The following TRUB2 variants were observed in gnomAD, a reference collection of about 807,000 sequenced individuals.
TRUB2 encodes the protein TruB pseudouridine synthase family member 2.
Under a neutral mutation model 31.9 loss-of-function variants are expected in TRUB2, and 31 were observed. That is an observed-to-expected ratio of 0.97 (90% CI 0.73 to 1.31). TRUB2 has a LOEUF of 1.31. Ranked by LOEUF, TRUB2 falls within the 50% of genes most tolerant of loss-of-function variation. TRUB2 has a pLI of 0.00. For missense variants in TRUB2, 451 were observed against 439.6 expected (o/e 1.03, Z -0.23); for synonymous variants, 201 against 182.6 (o/e 1.10, Z -0.81).
At position 128,307,769 on chromosome 9, in the gene TRUB2, T is replaced by G. The variant is rs1185365238; in HGVS notation, c.*1781A>C. 1.3e-5 allele frequency: 2 copies of G among 148,550 alleles called. No homozygotes were observed. Among genetic ancestry groups the G allele is most frequent in the Non-Finnish European group, 3.0e-5 (2 of 66,826 alleles). The allele number at this position is 148,550 out of a possible 1,614,324, so 9.2% of individuals were successfully genotyped here. On this transcript the variant is annotated 3_prime_UTR_variant, in exon 8 of 8. Transcript: ENST00000372890. ...AAATAAATAAATTAGCCAGATACTGTGTGCACGCCTGCAGTCCCAGCTATT... is the reference window on the plus strand; with the variant it reads ...AAATAAATAAATTAGCCAGATACTGGGTGCACGCCTGCAGTCCCAGCTATT...
intron 2 of TRUB2, among the ~76,000 whole-genome samples, chr9:128,319,906 A>G (rs1032240806): frequency 6.9e-6 from 1 of 145,462 alleles, no homozygotes. Flanking sequence ...GGCGTGAGCC[A>G]CCACACCTGG....
chr9:128,322,241 CGGAGAT>C, intron 1 of TRUB2, 53 bp downstream of exon 1: 1 of 1,452,160 alleles, frequency 6.9e-7, no homozygotes, highest in Non-Finnish European at 9.7e-7. Context: ...GGACCAGAAG[CGGAGAT>C]GGACTTCCAA....
chr9:128,319,989 C>T (rs1408669553), intron 2 of TRUB2, among the ~76,000 whole-genome samples: 1 of 151,842 alleles, frequency 6.6e-6, no homozygotes, highest in African/African-American at 2.4e-5. Flanking sequence ...GATCTCCGCT[C>T]ACTGCAAGCT....
rs1832052943 is a variant in TRUB2 at position 128,315,555 on chromosome 9, A to G, written c.378+12T>C. On this transcript the variant is annotated intron_variant, in intron 4 of 7. Transcript: ENST00000372890. ...ACCAAGGGAGAAGCAGGCTGTCCCCAGACCCTCGTACCTTGGTAAGATGAG... is the reference window on the plus strand; with the variant it reads ...ACCAAGGGAGAAGCAGGCTGTCCCCGGACCCTCGTACCTTGGTAAGATGAG... 6.2e-7 allele frequency: 1 copy of G among 1,612,526 alleles called. No homozygotes were observed. Among genetic ancestry groups the G allele is most frequent in the African/African-American group, 1.3e-5 (1 of 74,840 alleles).
intron 5 of TRUB2, among the ~76,000 whole-genome samples, chr9:128,313,463 G>A (rs1370834775): frequency 6.7e-6 from 1 of 150,266 alleles, no homozygotes; most frequent in Non-Finnish European, 1.5e-5. Context: ...GTGAACCCGG[G>A]AGGTGGTGCT....
Position 128,308,209 on chromosome 9 carries a change from GACGGAGTGAGA to G in TRUB2, c.*1330_*1340del, listed in dbSNP as rs1426389071. The stretch of plus-strand genomic sequence containing the variant: ...TGTGCCACTGCACTCCAACCTGGAT[GACGGAGTGAGA>G]CTCCGTCTCAGAAAAAAAAAAAACC... On this transcript the variant is annotated 3_prime_UTR_variant, in exon 8 of 8. Coordinates refer to ENST00000372890, the MANE Select transcript of TRUB2 (RefSeq NM_015679.3). The G allele has an allele frequency of 7.0e-6, 1 of 143,438 alleles. No homozygotes were observed. Among genetic ancestry groups the G allele is most frequent in the Non-Finnish European group, 1.5e-5 (1 of 66,038 alleles). 8.9% of individuals were successfully genotyped at this position (143,438 alleles called of 1,614,324 possible).
chr9:128,319,006 A>AC (rs1263027407), intron 2 of TRUB2, among the ~76,000 whole-genome samples: 1 of 151,188 alleles, frequency 6.6e-6, no homozygotes, highest in Non-Finnish European at 1.5e-5. Flanking sequence ...ACGTGACAAA[A>AC]CCCCATCTCT....
rs1340101581 is a variant in TRUB2, at chr9:128,321,736, C to A, written c.110-6G>T. The A allele has an allele frequency of 2.5e-6, 4 of 1,612,778 alleles. No individual in the cohort carries two copies. ...AGGCTTCCTGGCATTGAGACCTGAACACACAGAGATAATATATACACACAT... is the reference window on the plus strand; with the variant it reads ...AGGCTTCCTGGCATTGAGACCTGAAAACACAGAGATAATATATACACACAT... On this transcript the variant is annotated splice_region_variant and splice_polypyrimidine_tract_variant and intron_variant, in intron 1 of 7. Coordinates refer to ENST00000372890, the MANE Select transcript of TRUB2 (RefSeq NM_015679.3).
chr9:128,310,741 C>T, intron 7 of TRUB2, 146 bp downstream of exon 7: 1 of 1,124,938 alleles, frequency 8.9e-7, no homozygotes, highest in Non-Finnish European at 1.3e-6. Flanking sequence ...GAAGTCGGCA[C>T]CTGATGCCTT....
intron 4 of TRUB2, 83 bp downstream of exon 4, chr9:128,315,484 G>A (rs919418281): frequency 2.8e-5 from 40 of 1,440,538 alleles, no homozygotes; most frequent in South Asian, 2.6e-4. Context: ...GTTCCCCCAC[G>A]GAATCCTCTA....
chr9:128,313,824 T>C lies in TRUB2; in HGVS notation c.444A>G (p.Val148=), dbSNP rs375919560. Residue 148 remains valine, a synonymous_variant, in exon 5 of 8, where the codon GTA becomes GTG. Coordinates refer to ENST00000372890, the MANE Select transcript of TRUB2 (RefSeq NM_015679.3). The stretch of plus-strand genomic sequence containing the variant: ...GGTTCTCACCATAGGTTGTCTTCTC[T>C]ACCAGCCTCCCGTCCTCACGGAAGT... The part of the protein sequence containing the change: ...TDDFREDGRL[V]EKTTYDHVTR... The C allele has an allele frequency of 3.0e-5, 48 of 1,614,060 alleles. No individual in the cohort carries two copies. Among genetic ancestry groups the C allele is most frequent in the Admixed American group, 5.0e-5 (3 of 60,008 alleles).
chr9:128,317,970 C>T (rs554183406), intron 2 of TRUB2, among the ~76,000 whole-genome samples: 1 of 152,328 alleles, frequency 6.6e-6, no homozygotes, highest in South Asian at 2.1e-4. Context: ...GATTCCCTGA[C>T]ACATGCCTTA....
At position 128,309,758 on chromosome 9, in the gene TRUB2, A is replaced by G; in HGVS notation, c.788T>C (p.Phe263Ser). The change falls in exon 8 of 8, where the codon TTC becomes TCC. Residue 263 changes from phenylalanine to serine, a missense_variant. Transcript: ENST00000372890. Reference sequence around the variant, plus strand: ...CCTCAGGAGGGCACTGTCTAGCGTGAAGAAGCCGTCGCGCGTGCGCCGCAC... The same window carrying G: ...CCTCAGGAGGGCACTGTCTAGCGTGGAGAAGCCGTCGCGCGTGCGCCGCAC... ...TQVRRTRDGF[F>S]TLDSALLRTQ... 1 of 1,614,222 alleles carries G rather than the reference A, an allele frequency of 6.2e-7. No homozygotes were observed. The highest frequency in any genetic ancestry group is 8.5e-7 in the Non-Finnish European group (1 of 1,180,044).
chr9:128,319,201 C>T (rs1832119811), intron 2 of TRUB2, among the ~76,000 whole-genome samples: 1 of 152,006 alleles, frequency 6.6e-6, no homozygotes, highest in Non-Finnish European at 1.5e-5. Flanking sequence ...TGGCGGGCGC[C>T]TGTAGTCCCA....
At chr9:128,320,076 C>T (rs999728682) in intron 2 of TRUB2, among the ~76,000 whole-genome samples, 3 of 151,710 alleles carry the variant, frequency 2.0e-5, no homozygotes, top group Non-Finnish European at 4.4e-5. Context: ...CCACCACGCC[C>T]GGCTAATTTC....
At position 128,318,163 on chromosome 9, in the gene TRUB2, G is replaced by A. The variant is rs575625401; in HGVS notation, c.242-937C>T. 1.2e-4 allele frequency among the ~76,000 whole-genome samples: 18 copies of A among 152,220 alleles called. No individual in the cohort carries two copies. The East Asian group carries it at 1.5e-3, about 13-fold the overall frequency. ...GTTCGAGACCAGCCTGGCCAACATG[G>A]TGAAACCCCATCTCTACTAAAAATA... is the stretch of plus-strand genomic sequence containing the variant. On this transcript the variant is annotated intron_variant, in intron 2 of 7. Coordinates refer to ENST00000372890, the MANE Select transcript of TRUB2 (RefSeq NM_015679.3).
chr9:128,318,679 C>T (rs1442522701), intron 2 of TRUB2, among the ~76,000 whole-genome samples: 1 of 151,908 alleles, frequency 6.6e-6, no homozygotes, highest in Non-Finnish European at 1.5e-5. Context: ...ATTACAGGCA[C>T]CTGCCTCCAT....
At chr9:128,317,411 C>T (rs1005403036) in intron 2 of TRUB2, among the ~76,000 whole-genome samples, 185 bp from the exon 3 acceptor site, 1 of 152,148 alleles carries the variant, frequency 6.6e-6, no homozygotes, top group Non-Finnish European at 1.5e-5. Flanking sequence ...CCCTGGGATC[C>T]AAAGGGCAGC....
chr9:128,313,741 G>T, intron 5 of TRUB2, 67 bp downstream of exon 5: 1 of 1,453,398 alleles, frequency 6.9e-7, no homozygotes, highest in Non-Finnish European at 9.7e-7. Context: ...GCGTGGCCTA[G>T]GGCGGGGAGA....
Sources: allele counts gnomAD v4.1 joint callset (sites outside exome capture counted in the v4.1 genomes callset), GRCh38; gene constraint gnomAD v4.1.1; transcripts MANE v1.5; gene names NCBI Gene and HGNC (gene_info 2026-07-23, HGNC 2026-07-21).